The following CADPS2 variants were observed in gnomAD, a reference collection of about 807,000 sequenced individuals.
CADPS2 encodes calcium-dependent secretion activator 2.
Under a neutral mutation model 172.5 loss-of-function variants are expected in CADPS2, and 93 were observed. That is an observed-to-expected ratio of 0.54 (90% confidence interval 0.46 to 0.64). CADPS2 has a LOEUF of 0.64. Among genes scored for constraint, CADPS2 ranks in the 30% least tolerant of loss-of-function variants. CADPS2 has a pLI of 0.00. For synonymous variants in CADPS2, 546 were observed against 555.2 expected (o/e 0.98, Z 0.23); for missense variants, 1,420 against 1,565.9 (o/e 0.91, Z 1.57).
chr7:122,393,923 T>C (rs1376000470), intron 20 of CADPS2, among the ~76,000 whole-genome samples: 1 of 152,180 alleles, frequency 6.6e-6, no homozygotes, highest in Non-Finnish European at 1.5e-5. Flanking sequence ...CTGAAGGTCC[T>C]GACACATGTA....
Position 122,471,535 on chromosome 7 carries a change from C to T in CADPS2, c.2026G>A (p.Val676Met). ...LGWFSPGQVFVLDEYCARYGV... is the reference protein window; with the variant it reads ...LGWFSPGQVFMLDEYCARYGV... ...TAACGGGCACAGTACTCATCTAACA[C>T]AAAGACTTGGCCAGGGCTAAACCAT... Residue 676 changes from valine (V) to methionine (M), a missense_variant, in exon 14 of 30, where the codon GTG becomes ATG. Physicochemically the swap from Val to Met is conservative, Grantham distance 21 (BLOSUM62 1). Coordinates refer to ENST00000449022, the MANE Select transcript of CADPS2 (RefSeq NM_017954.11). The T allele has an allele frequency of 6.2e-7, 1 of 1,606,074 alleles. No homozygotes were observed. Among genetic ancestry groups the T allele is most frequent in the Non-Finnish European group, 8.5e-7 (1 of 1,176,022 alleles).
At chr7:122,472,926 G>C (rs1004289938) in intron 13 of CADPS2, among the ~76,000 whole-genome samples, 1 of 152,006 alleles carries the variant, frequency 6.6e-6, no homozygotes, top group Non-Finnish European at 1.5e-5. Flanking sequence ...GGCGCATTTT[G>C]TCTGAAATCT....
chr7:122,740,446 T>C (rs2092402393), intron 1 of CADPS2, among the ~76,000 whole-genome samples: 1 of 152,044 alleles, frequency 6.6e-6, no homozygotes, highest in Non-Finnish European at 1.5e-5. Flanking sequence ...AAGCAGCCAA[T>C]ATAAAAAGGC....
intron 2 of CADPS2, chr7:122,698,799 A>G: frequency 6.2e-7 from 1 of 1,613,982 alleles, no homozygotes; most frequent in Non-Finnish European, 8.5e-7. Flanking sequence ...TGTTCATATA[A>G]GCCATCCAAA....
intron 1 of CADPS2, among the ~76,000 whole-genome samples, chr7:122,746,648 C>G (rs1002273522): frequency 1.3e-5 from 2 of 151,978 alleles, no homozygotes; most frequent in African/African-American, 4.8e-5. Context: ...CACAGACACA[C>G]ACACACACAC....
At chr7:122,390,974 C>T (rs17144378) in intron 22 of CADPS2, among the ~76,000 whole-genome samples, 47,726 of 151,756 alleles carry the variant, frequency 0.31, 7,522 homozygotes, top group East Asian at 0.4. Context: ...ATACATATGT[C>T]GATGAGCAAT....
chr7:122,616,520 T>C (rs1465663487), intron 5 of CADPS2, among the ~76,000 whole-genome samples: 1 of 152,132 alleles, frequency 6.6e-6, no homozygotes, highest in East Asian at 1.9e-4. Flanking sequence ...TATAGGAAAC[T>C]GATCACTCAG....
At chr7:122,815,131 T>G (rs1800990709) in intron 1 of CADPS2, among the ~76,000 whole-genome samples, 1 of 152,168 alleles carries the variant, frequency 6.6e-6, no homozygotes, top group Non-Finnish European at 1.5e-5. Flanking sequence ...CCATATAGAC[T>G]GCAACATAGC....
At chr7:122,637,755 G>A (rs1003062178) in intron 3 of CADPS2, among the ~76,000 whole-genome samples, 3 of 152,136 alleles carry the variant, frequency 2.0e-5, no homozygotes, top group Non-Finnish European at 4.4e-5. Context: ...AATTGCCAGC[G>A]TTTCTTGCAC....
chr7:122,438,274 T>C (rs919161762), intron 17 of CADPS2, 67 bp downstream of exon 17: 32 of 1,592,578 alleles, frequency 2.0e-5, no homozygotes, highest in Middle Eastern at 1.7e-4. Flanking sequence ...GGACTTCTCA[T>C]AGAAAATTCA....
intron 9 of CADPS2, among the ~76,000 whole-genome samples, chr7:122,497,974 T>C (rs2058884038): frequency 6.6e-6 from 1 of 152,144 alleles, no homozygotes; most frequent in African/African-American, 2.4e-5. Flanking sequence ...TTTGCTTTTT[T>C]TTGAGACATC....
chr7:122,663,666 C>G, intron 2 of CADPS2, 97 bp from the exon 3 acceptor site: 1 of 867,394 alleles, frequency 1.2e-6, no homozygotes, highest in Non-Finnish European at 1.7e-6. Context: ...AGAGTTTCTA[C>G]AAATATTTCA....
chr7:122,739,290 G>C (rs574129084), intron 1 of CADPS2, among the ~76,000 whole-genome samples: 2 of 152,230 alleles, frequency 1.3e-5, no homozygotes, highest in African/African-American at 4.8e-5. Context: ...CAACTCCTTT[G>C]CTTGATAAAT....
chr7:122,841,344 G>T (rs893353413), intron 1 of CADPS2, among the ~76,000 whole-genome samples: 2 of 152,076 alleles, frequency 1.3e-5, no homozygotes, highest in African/African-American at 4.8e-5. Flanking sequence ...GGAAATTGAT[G>T]TAAAAAGTAG....
At chr7:122,497,268 G>A (rs1193136046) in intron 9 of CADPS2, among the ~76,000 whole-genome samples, 1 of 151,910 alleles carries the variant, frequency 6.6e-6, no homozygotes. Context: ...TGAAAATCTA[G>A]TCTTCTAACA....
intron 1 of CADPS2, among the ~76,000 whole-genome samples, chr7:122,743,932 G>C (rs1269727674): frequency 6.6e-6 from 1 of 152,132 alleles, no homozygotes; most frequent in Non-Finnish European, 1.5e-5. Flanking sequence ...AACCCTGTGG[G>C]ATGTGCTGAT....
At chr7:122,607,409 A>C (rs532633139) in intron 6 of CADPS2, among the ~76,000 whole-genome samples, 14 of 152,176 alleles carry the variant, frequency 9.2e-5, no homozygotes, top group Non-Finnish European at 1.6e-4. Flanking sequence ...AAGCCCTTCC[A>C]AATTTAGACC....
At chr7:122,690,402 G>T (rs578044808) in intron 2 of CADPS2, among the ~76,000 whole-genome samples, 1 of 152,108 alleles carries the variant, frequency 6.6e-6, no homozygotes, top group Non-Finnish European at 1.5e-5. Flanking sequence ...TTCCCTGGCC[G>T]TTCCCCTACG....
At chr7:122,829,439 T>C (rs12706453) in intron 1 of CADPS2, among the ~76,000 whole-genome samples, 29,910 of 151,982 alleles carry the variant, frequency 0.2, 3,054 homozygotes, top group Middle Eastern at 0.3. Context: ...GAGAAATGAG[T>C]CTTATATATA....
Sources: gnomAD v4.1 joint callset for allele counts (sites outside exome capture counted in the v4.1 genomes callset) on GRCh38, gnomAD v4.1.1 for gene constraint, MANE v1.5 for transcripts, NCBI Gene and HGNC (gene_info 2026-07-23, HGNC 2026-07-21) for gene names.